The following GSG1L variants were observed in gnomAD, a reference collection of about 807,000 sequenced individuals.
GSG1L encodes the protein GSG1 like.
A neutral mutation model predicts 42.1 loss-of-function variants in GSG1L; 24 were observed. That is an observed-to-expected ratio of 0.57 (90% CI 0.41 to 0.80). GSG1L has a LOEUF of 0.80. GSG1L is among the 30% of genes least tolerant of loss of function. The pLI is 0.00. For synonymous variants in GSG1L, 215 were observed against 203.5 expected (o/e 1.06, Z -0.48); for missense variants, 445 against 472.2 (o/e 0.94, Z 0.53).
intron 2 of GSG1L, among the ~76,000 whole-genome samples, chr16:27,916,170 T>A (rs1298796104): frequency 6.6e-6 from 1 of 152,198 alleles, no homozygotes; most frequent in African/African-American, 2.4e-5. Context: ...AACTCTGCAG[T>A]ATAATTCACA....
At chr16:27,862,027 A>T (rs1279969424) in intron 3 of GSG1L, among the ~76,000 whole-genome samples, 2 of 152,202 alleles carry the variant, frequency 1.3e-5, no homozygotes, top group African/African-American at 2.4e-5. Context: ...TTCTAGTCAC[A>T]GGGCACCATC....
intron 3 of GSG1L, among the ~76,000 whole-genome samples, chr16:27,855,860 G>A (rs1416679651): frequency 6.6e-6 from 1 of 152,054 alleles, no homozygotes; most frequent in African/African-American, 2.4e-5. Context: ...AGGTACAGGG[G>A]CCCCTGGAGC....
At chr16:27,960,578 G>C (rs2085058481) in intron 2 of GSG1L, among the ~76,000 whole-genome samples, 1 of 152,166 alleles carries the variant, frequency 6.6e-6, no homozygotes, top group African/African-American at 2.4e-5. Context: ...AGTGCGGCTG[G>C]GAACAAGTCC....
chr16:27,991,448 C>T (rs139926475), intron 1 of GSG1L, among the ~76,000 whole-genome samples: 2,278 of 151,734 alleles, frequency 0.015, 26 homozygotes, highest in Admixed American at 0.026. Flanking sequence ...CTCTATTGCC[C>T]AGGCTGGAGT....
At chr16:27,815,221 G>T (rs1002998956) in intron 5 of GSG1L, among the ~76,000 whole-genome samples, 4 of 152,122 alleles carry the variant, frequency 2.6e-5, no homozygotes, top group African/African-American at 9.7e-5. Flanking sequence ...CCTGGTGGGA[G>T]GTATTTTGGT....
At chr16:27,980,279 A>G (rs1052237799) in intron 1 of GSG1L, among the ~76,000 whole-genome samples, 2 of 152,162 alleles carry the variant, frequency 1.3e-5, no homozygotes, top group Admixed American at 1.3e-4. Context: ...GGAAGGGGTC[A>G]CTAAGGAGCC....
intron 2 of GSG1L, among the ~76,000 whole-genome samples, chr16:27,931,586 G>T (rs911013394): frequency 2.6e-5 from 4 of 152,210 alleles, no homozygotes; most frequent in African/African-American, 9.7e-5. Flanking sequence ...GCCCAGTGTT[G>T]GTCAGGATAT....
intron 2 of GSG1L, among the ~76,000 whole-genome samples, chr16:27,890,819 A>G (rs1231980485): frequency 6.6e-6 from 1 of 152,220 alleles, no homozygotes; most frequent in East Asian, 1.9e-4. Flanking sequence ...TGTGATTGTC[A>G]GAAGGTAGTT....
At chr16:27,855,719 C>CAAAA (rs397686463) in intron 3 of GSG1L, among the ~76,000 whole-genome samples, 1 of 61,710 alleles carries the variant, frequency 1.6e-5, no homozygotes, top group Non-Finnish European at 3.2e-5. Context: ...GACTCAGTCT[C>CAAAA]AAAAAAAAAA....
At chr16:27,916,393 G>T (rs1363257076) in intron 2 of GSG1L, among the ~76,000 whole-genome samples, 1 of 151,812 alleles carries the variant, frequency 6.6e-6, no homozygotes, top group Non-Finnish European at 1.5e-5. Context: ...ACAGCTCAGT[G>T]CAGACTCAAA....
At chr16:28,002,977 A>G (rs2085596421) in intron 1 of GSG1L, among the ~76,000 whole-genome samples, 1 of 152,188 alleles carries the variant, frequency 6.6e-6, no homozygotes, top group South Asian at 2.1e-4. Context: ...AAAAAGATCC[A>G]GGGGGAGAGC....
At chr16:27,890,964 CA>C (rs1468990874) in intron 2 of GSG1L, among the ~76,000 whole-genome samples, 1 of 152,148 alleles carries the variant, frequency 6.6e-6, no homozygotes, top group African/African-American at 2.4e-5. Flanking sequence ...CCAGCCTGCC[CA>C]CGGCCCTTGG....
intron 3 of GSG1L, among the ~76,000 whole-genome samples, chr16:27,855,612 C>T (rs1161341941): frequency 3.3e-5 from 5 of 149,946 alleles, no homozygotes; most frequent in African/African-American, 4.9e-5. Flanking sequence ...CCCAGCTACT[C>T]GGGAACCTGA....
At chr16:27,811,897 C>T (rs1416381252) in intron 5 of GSG1L, among the ~76,000 whole-genome samples, 2 of 152,198 alleles carry the variant, frequency 1.3e-5, no homozygotes, top group Admixed American at 6.5e-5. Context: ...GTGATCCACC[C>T]GCCTCAGCCT....
intron 2 of GSG1L, among the ~76,000 whole-genome samples, chr16:27,893,078 C>A (rs971757117): frequency 3.9e-5 from 6 of 152,106 alleles, no homozygotes; most frequent in African/African-American, 1.2e-4. Flanking sequence ...GGATGATTGT[C>A]CCAAGTCTCC....
chr16:27,970,223 G>A (rs12932580), intron 1 of GSG1L, among the ~76,000 whole-genome samples: 39,202 of 151,596 alleles, frequency 0.26, 5,395 homozygotes, highest in East Asian at 0.49. Flanking sequence ...TGCCCAATTT[G>A]TCTATTTTTC....
chr16:27,901,250 G>A (rs2084253715), intron 2 of GSG1L, among the ~76,000 whole-genome samples: 1 of 152,224 alleles, frequency 6.6e-6, no homozygotes, highest in South Asian at 2.1e-4. Flanking sequence ...GAGCAGGGAA[G>A]CCGTATTTCA....
At chr16:28,022,133 G>A (rs760124698) in intron 1 of GSG1L, among the ~76,000 whole-genome samples, 13 of 152,288 alleles carry the variant, frequency 8.5e-5, no homozygotes, top group Admixed American at 3.3e-4. Flanking sequence ...GGAATTGACC[G>A]TCGTAATAAC....
At chr16:27,905,275 T>C (rs374961560) in intron 2 of GSG1L, among the ~76,000 whole-genome samples, 59 of 151,748 alleles carry the variant, frequency 3.9e-4, no homozygotes, top group Non-Finnish European at 6.9e-4. Context: ...AGCACTTGGC[T>C]GGACCACACA....
Sources: allele counts gnomAD v4.1 joint callset (sites outside exome capture counted in the v4.1 genomes callset), GRCh38; gene constraint gnomAD v4.1.1; transcripts MANE v1.5; gene names NCBI Gene and HGNC (gene_info 2026-07-23, HGNC 2026-07-21).